Variants in LCLAT1 observed in about 807,000 individuals in gnomAD.
LCLAT1 encodes lysocardiolipin acyltransferase 1, also known as 1-AGP acyltransferase 8.
In LCLAT1, 11 loss-of-function variants were observed where a neutral mutation model predicts 30.7. The observed-to-expected ratio is 0.36, with a 90% CI of 0.23 to 0.59. The LOEUF (loss-of-function observed/expected upper bound fraction) is 0.59, where lower values mean the gene tolerates loss of function less well. Ranked by LOEUF, LCLAT1 falls within the 20% of genes least tolerant of loss-of-function variation. LCLAT1 has a pLI of 0.77. For missense variants in LCLAT1, 402 were observed against 458.6 expected, an observed-to-expected ratio of 0.88 and a Z score of 1.13; for synonymous variants, 155 against 151.3, an observed-to-expected ratio of 1.02 and a Z score of -0.18.
chr2:30,638,192 A>C (rs1170408386), intron 5 of LCLAT1, among the ~76,000 whole-genome samples: 1 of 152,248 alleles, frequency 6.6e-6, no homozygotes, highest in East Asian at 1.9e-4. Context: ...GAAAACTTGA[A>C]TAATCATTTT....
At chr2:30,522,303 C>G (rs1346607480) in intron 1 of LCLAT1, among the ~76,000 whole-genome samples, 1 of 152,202 alleles carries the variant, frequency 6.6e-6, no homozygotes, top group African/African-American at 2.4e-5. Context: ...TGCATTCCCA[C>G]CAGCAATGTT....
intron 5 of LCLAT1, among the ~76,000 whole-genome samples, chr2:30,610,359 A>T (rs1045999434): frequency 1.3e-5 from 2 of 150,314 alleles, no homozygotes; most frequent in African/African-American, 4.9e-5. Context: ...GTGGACAAAT[A>T]TTAGCCTATA....
chr2:30,543,850 T>G (rs1174334769), intron 3 of LCLAT1, among the ~76,000 whole-genome samples: 1 of 152,034 alleles, frequency 6.6e-6, no homozygotes, highest in Non-Finnish European at 1.5e-5. Context: ...TTTCATTGAT[T>G]TCTTTCCCTC....
intron 3 of LCLAT1, among the ~76,000 whole-genome samples, chr2:30,538,549 C>A (rs1054200542): frequency 2.0e-5 from 3 of 151,764 alleles, no homozygotes; most frequent in Non-Finnish European, 4.4e-5. Context: ...GCAGGAGGAT[C>A]GCTTGAACCC....
intron 5 of LCLAT1, among the ~76,000 whole-genome samples, chr2:30,584,247 T>TA (rs1212009088): frequency 6.6e-6 from 1 of 152,254 alleles, no homozygotes; most frequent in African/African-American, 2.4e-5. Context: ...GTGTTGTAGT[T>TA]ACATGCGTGA....
intron 1 of LCLAT1, among the ~76,000 whole-genome samples, chr2:30,456,307 C>A (rs1017454521): frequency 6.6e-6 from 1 of 152,182 alleles, no homozygotes; most frequent in African/African-American, 2.4e-5. Context: ...TCCTCTGATA[C>A]CACGCCAGTG....
At chr2:30,486,567 T>A (rs1056928922) in intron 1 of LCLAT1, among the ~76,000 whole-genome samples, 1 of 152,182 alleles carries the variant, frequency 6.6e-6, no homozygotes, top group Non-Finnish European at 1.5e-5. Context: ...GGTTCCCTCC[T>A]TCCCAGTTAT....
At chr2:30,473,012 G>A (rs973169192) in intron 1 of LCLAT1, among the ~76,000 whole-genome samples, 8 of 152,036 alleles carry the variant, frequency 5.3e-5, no homozygotes, top group African/African-American at 1.7e-4. Context: ...AAAAAAAAAT[G>A]ATTTGTTGTC....
intron 5 of LCLAT1, among the ~76,000 whole-genome samples, chr2:30,601,990 A>T (rs1182430877): frequency 2.0e-5 from 3 of 152,094 alleles, no homozygotes; most frequent in Non-Finnish European, 2.9e-5. Flanking sequence ...GGCCAGCTCC[A>T]ACAGTGGGCT....
chr2:30,451,273 G>C (rs1681535953), intron 1 of LCLAT1, among the ~76,000 whole-genome samples: 1 of 152,204 alleles, frequency 6.6e-6, no homozygotes, highest in South Asian at 2.1e-4. Context: ...GTGGGGGCCA[G>C]TGTTGGCAAG....
At chr2:30,639,058 T>G (rs13405340) in intron 5 of LCLAT1, among the ~76,000 whole-genome samples, 19,416 of 152,210 alleles carry the variant, frequency 0.13, 1,364 homozygotes, top group South Asian at 0.23. Flanking sequence ...TCTGAAATCC[T>G]TAAGTAGTTC....
chr2:30,525,389 T>C (rs1685661202), intron 1 of LCLAT1, among the ~76,000 whole-genome samples, 198 bp from the exon 2 acceptor site: 1 of 152,138 alleles, frequency 6.6e-6, no homozygotes, highest in African/African-American at 2.4e-5. Context: ...GAATATCAAT[T>C]TCTAATGTAC....
chr2:30,533,896 A>G (rs193183076), intron 3 of LCLAT1, among the ~76,000 whole-genome samples: 301 of 152,328 alleles, frequency 2.0e-3, no homozygotes, highest in African/African-American at 6.9e-3. Context: ...GGATATTTCA[A>G]CATTGCATGT....
At chr2:30,462,613 T>G (rs1245541747) in intron 1 of LCLAT1, among the ~76,000 whole-genome samples, 2 of 152,180 alleles carry the variant, frequency 1.3e-5, no homozygotes, top group African/African-American at 2.4e-5. Flanking sequence ...CCCAGACAAG[T>G]TGAAAGTTGC....
chr2:30,521,492 CTTTTTT>C (rs869093721), intron 1 of LCLAT1, among the ~76,000 whole-genome samples: 3 of 16,814 alleles, frequency 1.8e-4, no homozygotes, highest in Non-Finnish European at 3.4e-4. Flanking sequence ...ACTACTTCTT[CTTTTTT>C]TTTTTTTTTT....
intron 5 of LCLAT1, among the ~76,000 whole-genome samples, chr2:30,585,820 T>A (rs1338245169): frequency 1.3e-5 from 2 of 152,140 alleles, no homozygotes; most frequent in Non-Finnish European, 2.9e-5. Context: ...CTGCTTGCCT[T>A]CTCTATACCT....
intron 5 of LCLAT1, among the ~76,000 whole-genome samples, chr2:30,594,679 T>C (rs1439082176): frequency 6.6e-6 from 1 of 152,208 alleles, no homozygotes; most frequent in Non-Finnish European, 1.5e-5. Context: ...GAGGGTCTCT[T>C]ATATCTCAGC....
chr2:30,537,973 A>C (rs1297441755), intron 3 of LCLAT1, among the ~76,000 whole-genome samples: 1 of 152,166 alleles, frequency 6.6e-6, no homozygotes, highest in South Asian at 2.1e-4. Context: ...ATGCTTCTGA[A>C]TGACCGGTGG....
At chr2:30,512,656 A>C (rs1350944065) in intron 1 of LCLAT1, among the ~76,000 whole-genome samples, 1 of 152,234 alleles carries the variant, frequency 6.6e-6, no homozygotes, top group Non-Finnish European at 1.5e-5. Context: ...CATTTTTAAA[A>C]AATTTGGCTT....
Sources: gnomAD v4.1 joint callset for allele counts (sites outside exome capture counted in the v4.1 genomes callset) on GRCh38, gnomAD v4.1.1 for gene constraint, MANE v1.5 for transcripts, NCBI Gene and HGNC (gene_info 2026-07-23, HGNC 2026-07-21) for gene names.